DOCK7: variants seen among roughly 807,000 people sequenced by gnomAD.
DOCK7 encodes dedicator of cytokinesis 7.
Under a neutral mutation model 271.0 loss-of-function variants are expected in DOCK7, and 138 were observed. That is an observed-to-expected ratio of 0.51 (90% CI 0.44 to 0.59). The LOEUF is 0.59. Ranked by LOEUF, DOCK7 falls within the 20% of genes least tolerant of loss-of-function variation. DOCK7 has a pLI of 0.00. For synonymous variants in DOCK7, 823 were observed against 876.1 expected, an observed-to-expected ratio of 0.94 and a Z score of 1.07; for missense variants, 2,066 against 2,592.4, an observed-to-expected ratio of 0.80 and a Z score of 4.41.
At chr1:62,491,066 G>A (rs1646452171) in intron 41 of DOCK7, among the ~76,000 whole-genome samples, 1 of 152,162 alleles carries the variant, frequency 6.6e-6, no homozygotes, top group Admixed American at 6.6e-5. Flanking sequence ...TTCCTATGAG[G>A]TAGGTACTAT....
At chr1:62,610,913 C>T (rs1046927710) in intron 14 of DOCK7, among the ~76,000 whole-genome samples, 1 of 152,168 alleles carries the variant, frequency 6.6e-6, no homozygotes, top group Non-Finnish European at 1.5e-5. Flanking sequence ...AATAGTGCTG[C>T]AATAAACATG....
At chr1:62,506,306 T>C (rs1002017673) in intron 35 of DOCK7, among the ~76,000 whole-genome samples, 12 of 152,136 alleles carry the variant, frequency 7.9e-5, no homozygotes, top group African/African-American at 2.9e-4. Context: ...TTCTGAGTCA[T>C]GCCCTTAAAA....
intron 14 of DOCK7, chr1:62,604,629 T>C (rs376061043): frequency 1.2e-6 from 2 of 1,612,754 alleles, no homozygotes; most frequent in African/African-American, 2.7e-5. Flanking sequence ...TCTATCTCCT[T>C]TAGGAGGCTG....
At chr1:62,584,867 G>A (rs1392818749) in intron 15 of DOCK7, 1 of 717,284 alleles carries the variant, frequency 1.4e-6, no homozygotes, top group African/African-American at 1.7e-5. Flanking sequence ...TAGGATGGGT[G>A]CAGCTGGGGC....
rs1163334980 is a variant in DOCK7, at chr1:62,494,289, A to G, written c.5203T>C (p.Cys1735Arg). Reference protein sequence around the residue: ...LEDRKYLPVGCVTFQNISSNV... With the variant: ...LEDRKYLPVGRVTFQNISSNV... ...AAGATTCCTACCTGAAATGTTACAC[A>G]TCCCACAGGAAGATATTTCCGGTCC... The change falls in exon 40 of 50, where the codon TGT becomes CGT. Residue 1735 changes from cysteine to arginine, a missense_variant. By Grantham distance (180) the Cys-to-Arg change is radical. Coordinates refer to ENST00000635253, the MANE Select transcript of DOCK7 (RefSeq NM_001367561.1). 1 of 1,587,182 alleles carries G rather than the reference A, an allele frequency of 6.3e-7. No individual in the cohort carries two copies. The highest frequency in any genetic ancestry group is 1.3e-5 in the African/African-American group (1 of 74,490).
rs1360638296 is a variant in DOCK7, at chr1:62,539,780, G to A, written c.3158C>T (p.Ala1053Val). 1 of 1,613,200 alleles carries A rather than the reference G, an allele frequency of 6.2e-7. No individual in the cohort carries two copies. The highest frequency in any genetic ancestry group is 1.3e-5 in the African/African-American group (1 of 74,996). The change falls in exon 26 of 50, where the codon GCT becomes GTT. Residue 1053 changes from alanine to valine, a missense_variant. Coordinates refer to ENST00000635253, the MANE Select transcript of DOCK7 (RefSeq NM_001367561.1). ...DDIAALVSTIASDIVSRFQKD... is the reference protein window; with the variant it reads ...DDIAALVSTIVSDIVSRFQKD... ...CTGAAATCGTGAAACTATATCACTA[G>A]CAATCGTGCTGACAAGAGCTGCAAT... is the stretch of plus-strand genomic sequence containing the variant.
chr1:62,488,721 A>G (rs537210245), intron 42 of DOCK7: 37 of 595,866 alleles, frequency 6.2e-5, no homozygotes, highest in South Asian at 5.2e-4. Flanking sequence ...AGCTATGCAG[A>G]AAGTTTATGA....
rs777631300 is a variant in DOCK7, at chr1:62,604,234, AG to A, written c.1682+14471del. 2.5e-6 allele frequency: 4 copies of A among 1,613,014 alleles called. No individual in the cohort carries two copies. In the South Asian group the frequency reaches 4.4e-5, roughly 18 times the overall value. On this transcript the variant is annotated intron_variant, in intron 14 of 49. Coordinates refer to ENST00000635253, the MANE Select transcript of DOCK7 (RefSeq NM_001367561.1). The stretch of plus-strand genomic sequence containing the variant: ...ACTTCAACTGTCCAGAGGGTTATTC[AG>A]GTATCTTTTTCTGATACCAATACTT...
intron 4 of DOCK7, among the ~76,000 whole-genome samples, chr1:62,651,468 AAAAAG>A (rs1337731008): frequency 0.016 from 2,381 of 150,664 alleles, 70 homozygotes; most frequent in African/African-American, 0.055. Flanking sequence ...AAAAAAGAAA[AAAAAG>A]AAAAGTTTAT....
intron 7 of DOCK7, 55 bp from the exon 8 acceptor site, chr1:62,636,658 G>A: frequency 7.1e-7 from 1 of 1,402,868 alleles, no homozygotes; most frequent in Non-Finnish European, 9.8e-7. Context: ...ATACACAGTT[G>A]GAGAGAAATT....
At chr1:62,663,679 TATA>T (rs1658944030) in intron 1 of DOCK7, among the ~76,000 whole-genome samples, 1 of 152,196 alleles carries the variant, frequency 6.6e-6, no homozygotes, top group African/African-American at 2.4e-5. Context: ...AGATTTAAGA[TATA>T]ATCTTTTCTC....
chr1:62,495,742 T>C lies in DOCK7; in HGVS notation c.4924-61A>G, dbSNP rs113365310. The C allele has an allele frequency of 3.0e-6, 4 of 1,316,902 alleles. 1 individual carries two copies. In the African/African-American group the frequency reaches 4.5e-5, roughly 15 times the overall value. The allele number at this position is 1,316,902 out of a possible 1,614,324, so 81.6% of individuals were successfully genotyped here. A position where few individuals can be genotyped will look rare whatever the true frequency, so the allele number is the denominator to read the frequency against. ...TTGTCATTCATCCATAATCACCAAA[T>C]TAGTTTCAGAGATATTTCAGATAAA... On this transcript the variant is annotated intron_variant, in intron 38 of 49. Coordinates refer to ENST00000635253, the MANE Select transcript of DOCK7 (RefSeq NM_001367561.1).
chr1:62,642,340 G>A (rs575172152), intron 7 of DOCK7, among the ~76,000 whole-genome samples: 30 of 152,038 alleles, frequency 2.0e-4, no homozygotes, highest in South Asian at 6.2e-4. Context: ...CTGACCTCAG[G>A]TGATCTGTCC....
In DOCK7 at chr1:62,513,720, T is replaced by C. The variant is rs1382172096; in HGVS notation, c.4115A>G (p.Tyr1372Cys). The C allele has an allele frequency of 1.2e-5, 20 of 1,613,540 alleles. No homozygotes were observed. Among genetic ancestry groups the C allele is most frequent in the East Asian group, 2.2e-5 (1 of 44,882 alleles). The change falls in exon 32 of 50, where the codon TAT becomes TGT. Residue 1372 changes from tyrosine (Y) to cysteine (C), a missense_variant. By Grantham distance (194) the Tyr-to-Cys change is radical (BLOSUM62 -2). Around this residue, in one of 2 missense-constraint regions of DOCK7, gnomAD observed 1,414 missense variants for 1,670.4 expected, o/e 0.85. Transcript: ENST00000635253. ...LLYLCVSCFE[Y>C]KGKKVFERMN... ...AATGGTACAATGACCACTTACTTTA[T>C]ACTCAAAGCAAGACACACAGAGATA...
intron 43 of DOCK7, chr1:62,482,898 T>C (rs1646169885): frequency 6.6e-6 from 1 of 152,230 alleles, no homozygotes; most frequent in South Asian, 2.1e-4. Context: ...TCTTCCAAGA[T>C]ATATTGTACT....
chr1:62,493,318 A>G (rs1168217429), intron 40 of DOCK7, among the ~76,000 whole-genome samples: 2 of 152,224 alleles, frequency 1.3e-5, no homozygotes, highest in Non-Finnish European at 2.9e-5. Context: ...TAAAAAAGAA[A>G]TGATACATAC....
At position 62,552,794 on chromosome 1, in the gene DOCK7, G is replaced by C. The variant is rs1409697666; in HGVS notation, c.2704C>G (p.Pro902Ala). The C allele has an allele frequency of 6.2e-7, 1 of 1,613,898 alleles. No homozygotes were observed. The highest frequency in any genetic ancestry group is 1.7e-5 in the Admixed American group (1 of 59,990). ...GACGTGGGAGTCCCAGATATATCTG[G>C]ATTGCTATTACTAAGGCTTCGAGAA... ...NRSRSLSNSNPDISGTPTSPD... is the reference protein window; with the variant it reads ...NRSRSLSNSNADISGTPTSPD... The change falls in exon 22 of 50, where the codon CCA becomes GCA. Residue 902 changes from proline to alanine, a missense_variant. This residue lies in a region of DOCK7 where 1,414 missense variants were observed against 1,670.4 expected (regional missense o/e 0.85). Transcript: ENST00000635253.
chr1:62,480,607 A>G (rs1646092071), intron 43 of DOCK7, among the ~76,000 whole-genome samples: 1 of 152,244 alleles, frequency 6.6e-6, no homozygotes. Flanking sequence ...GAACACTGAT[A>G]GAGGGTCAGG....
intron 22 of DOCK7, among the ~76,000 whole-genome samples, chr1:62,552,243 G>A (rs899726047): frequency 6.6e-6 from 1 of 151,970 alleles, no homozygotes; most frequent in Non-Finnish European, 1.5e-5. Flanking sequence ...TTCTCTTTTC[G>A]CAGCTGCCAT....
Sources: allele counts gnomAD v4.1 joint callset (sites outside exome capture counted in the v4.1 genomes callset), GRCh38; gene constraint gnomAD v4.1.1; regional missense constraint gnomAD v4.1.1; transcripts MANE v1.5; gene names NCBI Gene and HGNC (gene_info 2026-07-23, HGNC 2026-07-21).